The following SEMA3A variants were observed in gnomAD, a reference collection of about 807,000 sequenced individuals.
SEMA3A encodes the protein semaphorin-3A.
SEMA3A carries 29 observed loss-of-function variants against 97.9 expected under a neutral mutation model. The ratio of observed to expected loss-of-function variants is 0.30; its 90% CI spans 0.22 to 0.40. The LOEUF (loss-of-function observed/expected upper bound fraction) is 0.40, where lower values mean the gene tolerates loss of function less well. Ranked by LOEUF, SEMA3A falls within the 10% of genes least tolerant of loss-of-function variation. The probability of loss-of-function intolerance (pLI) is 1.00; values close to 1 mark genes in which losing one functional copy is unlikely to be tolerated. For missense variants in SEMA3A, 763 were observed against 951.3 expected (o/e 0.80, Z 2.60); for synonymous variants, 321 against 323.7 (o/e 0.99, Z 0.09).
At chr7:84,170,045 A>T (rs1245372976) in intron 1 of SEMA3A, among the ~76,000 whole-genome samples, 1 of 151,944 alleles carries the variant, frequency 6.6e-6, no homozygotes, top group South Asian at 2.1e-4. Context: ...AAAGGAAATG[A>T]CAAATATTAA....
intron 10 of SEMA3A, 79 bp from the exon 11 acceptor site, chr7:84,005,637 T>TA: frequency 2.0e-6 from 2 of 984,190 alleles, no homozygotes; most frequent in South Asian, 3.3e-5. Flanking sequence ...ACACATGGCC[T>TA]CAATGGTTCT....
At chr7:84,026,989 A>C (rs1791571007) in intron 6 of SEMA3A, among the ~76,000 whole-genome samples, 1 of 152,076 alleles carries the variant, frequency 6.6e-6, no homozygotes. Flanking sequence ...TGTACCCCCA[A>C]ACCTAAAATA....
intron 1 of SEMA3A, among the ~76,000 whole-genome samples, chr7:84,168,492 T>C (rs1194943660): frequency 6.6e-6 from 1 of 151,958 alleles, no homozygotes; most frequent in Admixed American, 6.6e-5. Flanking sequence ...GTAATGTTGG[T>C]TGTTTCATTA....
intron 3 of SEMA3A, among the ~76,000 whole-genome samples, chr7:84,293,021 CTAGCAAAATTGT>C (rs1800788426): frequency 1.3e-5 from 2 of 151,932 alleles, no homozygotes; most frequent in Admixed American, 6.6e-5. Context: ...AAAAACAGTT[CTAGCAAAATTGT>C]AGAATTTCTG....
At chr7:84,240,302 T>TA (rs1267196305) in intron 3 of SEMA3A, among the ~76,000 whole-genome samples, 1 of 152,190 alleles carries the variant, frequency 6.6e-6, no homozygotes. Flanking sequence ...CTGTGAATGT[T>TA]ACTTTGAGTG....
chr7:84,191,218 C>A (rs1306728889), intron 1 of SEMA3A, among the ~76,000 whole-genome samples: 1 of 144,592 alleles, frequency 6.9e-6, no homozygotes, highest in Non-Finnish European at 1.5e-5. Context: ...ATAATAATAC[C>A]TTGACTCTGA....
chr7:84,389,035 G>A (rs1584284195), intron 1 of SEMA3A, among the ~76,000 whole-genome samples: 1 of 152,052 alleles, frequency 6.6e-6, no homozygotes, highest in East Asian at 1.9e-4. Context: ...ATTACAAAAA[G>A]GAGACCTTAT....
chr7:84,173,679 T>G (rs1797468097), intron 1 of SEMA3A, among the ~76,000 whole-genome samples: 1 of 151,968 alleles, frequency 6.6e-6, no homozygotes, highest in African/African-American at 2.4e-5. Context: ...TGACTCAAGG[T>G]TTCTACTCAG....
At chr7:84,317,092 C>T (rs1801525366) in intron 2 of SEMA3A, among the ~76,000 whole-genome samples, 1 of 152,142 alleles carries the variant, frequency 6.6e-6, no homozygotes, top group South Asian at 2.1e-4. Flanking sequence ...CTTTCTATCC[C>T]TCAGGCTAAA....
intron 2 of SEMA3A, among the ~76,000 whole-genome samples, chr7:84,366,995 A>G (rs892089311): frequency 1.3e-5 from 2 of 151,378 alleles, no homozygotes; most frequent in African/African-American, 4.8e-5. Context: ...TAAAAAAAAA[A>G]AACCTTAATT....
chr7:84,010,581 T>A (rs1790839031), intron 9 of SEMA3A, among the ~76,000 whole-genome samples: 1 of 152,188 alleles, frequency 6.6e-6, no homozygotes, highest in African/African-American at 2.4e-5. Flanking sequence ...ATCTCATTCA[T>A]TAGCAATTGA....
At chr7:84,427,052 A>G (rs756899670) in intron 1 of SEMA3A, among the ~76,000 whole-genome samples, 8 of 152,132 alleles carry the variant, frequency 5.3e-5, no homozygotes, top group Non-Finnish European at 1.2e-4. Flanking sequence ...GATTATAACT[A>G]TTGAGTAAAG....
At chr7:83,983,315 C>G (rs372396638) in intron 13 of SEMA3A, among the ~76,000 whole-genome samples, 1 of 151,472 alleles carries the variant, frequency 6.6e-6, no homozygotes, top group African/African-American at 2.4e-5. Context: ...TGAATGTAAG[C>G]AATTTCAGTA....
intron 6 of SEMA3A, among the ~76,000 whole-genome samples, chr7:84,024,312 G>A (rs989043580): frequency 4.6e-5 from 7 of 152,134 alleles, no homozygotes; most frequent in Non-Finnish European, 7.3e-5. Context: ...AGGCCAAGGC[G>A]GGTGAATCAC....
intron 3 of SEMA3A, among the ~76,000 whole-genome samples, chr7:84,236,779 A>G (rs1236089046): frequency 1.3e-5 from 2 of 152,136 alleles, no homozygotes; most frequent in Non-Finnish European, 2.9e-5. Context: ...TTATCTTCCA[A>G]TACCTTGAAC....
At chr7:84,114,134 T>G (rs893454624) in intron 3 of SEMA3A, among the ~76,000 whole-genome samples, 1 of 152,156 alleles carries the variant, frequency 6.6e-6, no homozygotes, top group Non-Finnish European at 1.5e-5. Context: ...TCAAAACAAC[T>G]GCTCCATGCA....
At chr7:84,400,431 A>G (rs1364783318) in intron 1 of SEMA3A, among the ~76,000 whole-genome samples, 1 of 152,246 alleles carries the variant, frequency 6.6e-6, no homozygotes, top group Non-Finnish European at 1.5e-5. Flanking sequence ...GATAAATTTA[A>G]CAAAGAAATT....
intron 1 of SEMA3A, among the ~76,000 whole-genome samples, chr7:84,388,059 A>G (rs946432203): frequency 9.2e-5 from 14 of 152,204 alleles, no homozygotes; most frequent in African/African-American, 3.1e-4. Flanking sequence ...TGCCTTTAAA[A>G]AAGATGCTTA....
chr7:84,444,564 C>CT (rs201008229), intron 1 of SEMA3A, among the ~76,000 whole-genome samples: 8,296 of 138,696 alleles, frequency 0.06, 316 homozygotes, highest in East Asian at 0.16. Context: ...TTCTTTTTTT[C>CT]TTTTTTTTTT....
Sources: allele counts gnomAD v4.1 joint callset (sites outside exome capture counted in the v4.1 genomes callset), GRCh38; gene constraint gnomAD v4.1.1; transcripts MANE v1.5; gene names NCBI Gene and HGNC (gene_info 2026-07-23, HGNC 2026-07-21).